The following FAM185A variants were observed in gnomAD, a reference collection of about 807,000 sequenced individuals.
FAM185A encodes the protein family with sequence similarity 185 member A.
A neutral mutation model predicts 45.7 loss-of-function variants in FAM185A; 21 were observed. The observed-to-expected ratio is 0.46, with a 90% CI of 0.33 to 0.66. The LOEUF (loss-of-function observed/expected upper bound fraction) is 0.66. Ranked by LOEUF, FAM185A falls within the 30% of genes least tolerant of loss-of-function variation. The pLI is 0.03. For missense variants in FAM185A, 305 were observed against 485.4 expected, an observed-to-expected ratio of 0.63 and a Z score of 3.49; for synonymous variants, 117 against 194.0, an observed-to-expected ratio of 0.60 and a Z score of 3.30.
At chr7:102,832,382 T>C in the FAM185A span, among the ~76,000 whole-genome samples, 1 of 152,216 alleles carries the variant, frequency 6.6e-6, no homozygotes, top group African/African-American at 2.4e-5. Flanking sequence ...AAGTTATATG[T>C]TGTTATATTT....
chr7:102,791,644 C>T (rs1244992125), intron 7 of FAM185A, among the ~76,000 whole-genome samples: 1 of 152,178 alleles, frequency 6.6e-6, no homozygotes, highest in Non-Finnish European at 1.5e-5. Context: ...TGCAGAGTAG[C>T]ACAGACTACC....
intron 7 of FAM185A, among the ~76,000 whole-genome samples, chr7:102,801,464 A>G (rs1796785458): frequency 6.6e-6 from 1 of 152,262 alleles, no homozygotes; most frequent in Admixed American, 6.5e-5. Flanking sequence ...ATAAGAATTC[A>G]CCAACCAACT....
chr7:102,750,814 T>C (rs1447610788), intron 1 of FAM185A, among the ~76,000 whole-genome samples: 5 of 152,346 alleles, frequency 3.3e-5, no homozygotes, highest in African/African-American at 1.2e-4. Context: ...ACATCTTAAA[T>C]AGACAGCCAA....
the FAM185A span, among the ~76,000 whole-genome samples, chr7:102,816,847 G>A: frequency 6.6e-6 from 1 of 152,198 alleles, no homozygotes; most frequent in Non-Finnish European, 1.5e-5. Flanking sequence ...TTTTAAGTGA[G>A]AACATGCAGT....
At chr7:102,836,810 T>G in the FAM185A span, among the ~76,000 whole-genome samples, 2 of 148,162 alleles carry the variant, frequency 1.3e-5, no homozygotes, top group East Asian at 2.7e-4. Context: ...AATAATGTGC[T>G]TCTGCCAAAA....
the FAM185A span, among the ~76,000 whole-genome samples, chr7:102,832,283 T>G: frequency 9.2e-5 from 14 of 152,246 alleles, no homozygotes; most frequent in Non-Finnish European, 1.9e-4. Flanking sequence ...ACTGGAACAC[T>G]GTTTAACAGG....
chr7:102,811,214 T>C (rs1026606518), downstream of FAM185A, among the ~76,000 whole-genome samples: 8 of 147,600 alleles, frequency 5.4e-5, no homozygotes, highest in Non-Finnish European at 8.8e-5. Context: ...CAGTCAACTA[T>C]ATTTAAAGCT....
chr7:102,769,151 T>G (rs1207195093), intron 4 of FAM185A, among the ~76,000 whole-genome samples: 1 of 152,188 alleles, frequency 6.6e-6, no homozygotes, highest in Admixed American at 6.5e-5. Context: ...ACAAAAATAT[T>G]TTGAAGTGTT....
At chr7:102,834,084 A>AAGGAAG in the FAM185A span, among the ~76,000 whole-genome samples, 472 of 101,104 alleles carry the variant, frequency 4.7e-3, 13 homozygotes, top group African/African-American at 0.018. Flanking sequence ...AAGGAAGGAA[A>AAGGAAG]GAAAAGAAAG....
chr7:102,754,879 AT>A (rs1350949913), intron 2 of FAM185A: 3 of 152,096 alleles, frequency 2.0e-5, no homozygotes, highest in African/African-American at 7.2e-5. Context: ...ATAATTTCTG[AT>A]TTATTTAAAC....
chr7:102,780,273 A>G (rs575797149), intron 6 of FAM185A, among the ~76,000 whole-genome samples: 18 of 152,138 alleles, frequency 1.2e-4, no homozygotes, highest in Admixed American at 9.8e-4. Context: ...GGGGCCTTTT[A>G]CCTACTTTAT....
At chr7:102,750,660 T>A (rs1394283937) in intron 1 of FAM185A, among the ~76,000 whole-genome samples, 1 of 152,154 alleles carries the variant, frequency 6.6e-6, no homozygotes, top group Non-Finnish European at 1.5e-5. Context: ...ATATATAGGA[T>A]TTGGTACTAT....
At chr7:102,844,379 G>T in the FAM185A span, among the ~76,000 whole-genome samples, 1 of 152,056 alleles carries the variant, frequency 6.6e-6, no homozygotes, top group Non-Finnish European at 1.5e-5. Context: ...ATCATTACTA[G>T]AACTAAGAGA....
chr7:102,781,606 T>C (rs1043772214), intron 6 of FAM185A, among the ~76,000 whole-genome samples: 5 of 152,036 alleles, frequency 3.3e-5, no homozygotes, highest in Admixed American at 2.6e-4. Flanking sequence ...TCCTGACTGT[T>C]AGAAGGAAAA....
In FAM185A at chr7:102,764,141, G is replaced by C. The variant is rs559734537; in HGVS notation, c.793+2730G>C. Among the ~76,000 whole-genome samples, 209 of 151,746 alleles carry C rather than the reference G, an allele frequency of 1.4e-3. 1 individual carries two copies. Among genetic ancestry groups the C allele is most frequent in the African/African-American group, 4.9e-3 (201 of 41,278 alleles). ...TCAAATTATAGTTACTTTCACAGAA[G>C]TAACTGTAGAAAAGCTTCCATGTTC... On this transcript the variant is annotated intron_variant, in intron 4 of 7. Transcript: ENST00000413034.
At chr7:102,840,726 A>G in the FAM185A span, among the ~76,000 whole-genome samples, 1 of 152,196 alleles carries the variant, frequency 6.6e-6, no homozygotes, top group African/African-American at 2.4e-5. Flanking sequence ...CTACCAGTCT[A>G]GTGGAAAAAA....
chr7:102,756,580 C>A (rs1304471510), intron 2 of FAM185A, among the ~76,000 whole-genome samples: 3 of 152,078 alleles, frequency 2.0e-5, no homozygotes, highest in Non-Finnish European at 4.4e-5. Flanking sequence ...TCGCTTGAAC[C>A]CAGGAGGTGG....
At chr7:102,758,854 G>A (rs1225777765) in intron 3 of FAM185A, among the ~76,000 whole-genome samples, 1 of 68,376 alleles carries the variant, frequency 1.5e-5, no homozygotes, top group East Asian at 3.3e-4. Flanking sequence ...TATATTCCAT[G>A]GTCACTTTAT....
At position 102,777,327 on chromosome 7, in the gene FAM185A, G is replaced by C; in HGVS notation, c.910G>C (p.Val304Leu). The change falls in exon 6 of 8, where the codon GTG (valine) becomes CTG (leucine). Residue 304 changes from valine (V) to leucine (L), a missense_variant. This residue lies in a region of FAM185A where 9 missense variants were observed against 50.5 expected (regional missense o/e 0.18). Coordinates refer to ENST00000413034, the MANE Select transcript of FAM185A (RefSeq NM_001145268.2). ...IDVYVSQLGK[V>L]ELKSHKGSII... is the part of the protein sequence containing the mutation. Reference sequence around the variant, plus strand: ...TGTTTATGTCAGCCAACTGGGGAAAGTGGAATTGAAATCCCATAAAGGTTA... The same window carrying C: ...TGTTTATGTCAGCCAACTGGGGAAACTGGAATTGAAATCCCATAAAGGTTA... 2 of 1,534,092 alleles carry C rather than the reference G, an allele frequency of 1.3e-6. No homozygotes were observed. Among genetic ancestry groups the C allele is most frequent in the East Asian group, 2.5e-5 (1 of 40,778 alleles).
Sources: allele counts gnomAD v4.1 joint callset (sites outside exome capture counted in the v4.1 genomes callset), GRCh38; gene constraint gnomAD v4.1.1; regional missense constraint gnomAD v4.1.1; transcripts MANE v1.5; gene names NCBI Gene and HGNC (gene_info 2026-07-23, HGNC 2026-07-21).